The following PIK3CA variants were observed in gnomAD, a reference collection of about 807,000 sequenced individuals.
PIK3CA encodes the protein phosphatidylinositol-4,5-bisphosphate 3-kinase catalytic subunit alpha, also known as phosphatidylinositol 4,5-bisphosphate 3-kinase catalytic subunit alpha isoform.
PIK3CA carries 27 observed loss-of-function variants against 138.2 expected under a neutral mutation model. That is an observed-to-expected ratio of 0.20 (90% CI 0.14 to 0.27). The LOEUF (loss-of-function observed/expected upper bound fraction) is 0.27. Ranked by LOEUF, PIK3CA falls within the 10% of genes least tolerant of loss-of-function variation. The pLI is 1.00. For synonymous variants in PIK3CA, 358 were observed against 413.2 expected, an observed-to-expected ratio of 0.87 and a Z score of 1.62; for missense variants, 544 against 1,277.4, an observed-to-expected ratio of 0.43 and a Z score of 8.75.
chr3:179,159,687 CAT>C (rs750777977), intron 1 of PIK3CA, among the ~76,000 whole-genome samples: 17 of 152,148 alleles, frequency 1.1e-4, no homozygotes, highest in Non-Finnish European at 2.4e-4. Flanking sequence ...ATAATACAGT[CAT>C]GTGTAGCTTT....
chr3:179,189,000 T>C (rs1272303899), intron 1 of PIK3CA, among the ~76,000 whole-genome samples: 1 of 152,092 alleles, frequency 6.6e-6, no homozygotes, highest in Admixed American at 6.6e-5. Flanking sequence ...TCACTTGAGG[T>C]CAGGAGTTCA....
At chr3:179,224,659 TAAAGC>T (rs781550376) in intron 15 of PIK3CA, 36 bp from the exon 16 acceptor site, 3 of 1,357,106 alleles carry the variant, frequency 2.2e-6, no homozygotes, top group South Asian at 3.0e-5. Flanking sequence ...AAAATAATAA[TAAAGC>T]AAAGGTACCT....
At chr3:179,171,440 A>G (rs1403311561) in intron 1 of PIK3CA, among the ~76,000 whole-genome samples, 3 of 152,156 alleles carry the variant, frequency 2.0e-5, no homozygotes, top group Non-Finnish European at 4.4e-5. Flanking sequence ...AGGGAGTAAT[A>G]AAGATCAGAA....
chr3:179,180,569 A>G (rs562384302), intron 1 of PIK3CA, among the ~76,000 whole-genome samples: 2 of 152,202 alleles, frequency 1.3e-5, no homozygotes, highest in South Asian at 4.1e-4. Flanking sequence ...AAAAAAGGTG[A>G]TGAATTTGAG....
At position 179,209,476 on chromosome 3, in the gene PIK3CA, C is replaced by G. The variant is rs894477148; in HGVS notation, c.1146-119C>G. ...GACCTTATAAAGTGCCTTTTCCAAT[C>G]AATCTCTTTCCTGTTTTTCGTTTGG... On this transcript the variant is annotated intron_variant, in intron 6 of 20. Transcript: ENST00000263967. 5.1e-5 allele frequency: 28 copies of G among 548,544 alleles called. No individual in the cohort carries two copies. In the African/African-American group the frequency reaches 5.4e-4, roughly 11 times the overall value. 34.0% of individuals were successfully genotyped at this position (548,544 alleles called of 1,614,324 possible). A position where few individuals can be genotyped will look rare whatever the true frequency, so the allele number is the denominator to read the frequency against.
Position 179,238,859 on chromosome 3 carries a change from G to C in PIK3CA, c.*4495G>C, listed in dbSNP as rs1170380285. The C allele has an allele frequency of 2.7e-5, 6 of 220,470 alleles. No homozygotes were observed. Among genetic ancestry groups the C allele is most frequent in the African/African-American group, 1.1e-4 (5 of 44,578 alleles). The allele number at this position is 220,470 out of a possible 1,614,324, so 13.7% of individuals were successfully genotyped here. ...AATATCAAGGTTCTAAAATTCGGAA[G>C]AGTTTAGAATTTATTAGGAGTTTCC... is the stretch of plus-strand genomic sequence containing the variant. On this transcript the variant is annotated 3_prime_UTR_variant, in exon 21 of 21. Transcript: ENST00000263967.
chr3:179,180,388 C>T (rs918512467), intron 1 of PIK3CA, among the ~76,000 whole-genome samples: 24 of 152,174 alleles, frequency 1.6e-4, no homozygotes, highest in Middle Eastern at 3.4e-3. Flanking sequence ...CATTTATATA[C>T]TTGTATGAGT....
rs1724914807 is a variant in PIK3CA, at chr3:179,219,396, G to GA, written c.1746+126dup. On this transcript the variant is annotated intron_variant, in intron 11 of 20. Transcript: ENST00000263967. This position sits in a 1 kb window ranked among gnomAD's most constrained non-coding sequence, Gnocchi z 4.2. ...AATAGACTAATAGTAATATAGTGTAGAAAAAAACACCCTTAACATTATTTC... is the reference window on the plus strand; with the variant it reads ...AATAGACTAATAGTAATATAGTGTAGAAAAAAAACACCCTTAACATTATTTC... 3 of 734,174 alleles carry GA rather than the reference G, an allele frequency of 4.1e-6. No individual in the cohort carries two copies. The highest frequency in any genetic ancestry group is 4.5e-6 in the Non-Finnish European group (2 of 444,762). 45.5% of individuals were successfully genotyped at this position (734,174 alleles called of 1,614,324 possible).
At chr3:179,188,851 T>A (rs1162829687) in intron 1 of PIK3CA, among the ~76,000 whole-genome samples, 1 of 152,210 alleles carries the variant, frequency 6.6e-6, no homozygotes. Flanking sequence ...TAATGTTTAG[T>A]CACATTTTGA....
At chr3:179,196,915 AAG>A (rs1382200501) in intron 1 of PIK3CA, among the ~76,000 whole-genome samples, 2 of 152,192 alleles carry the variant, frequency 1.3e-5, no homozygotes, top group African/African-American at 2.4e-5. Context: ...AGACAGAATA[AAG>A]AGAGAATTAA....
intron 6 of PIK3CA, among the ~76,000 whole-genome samples, chr3:179,207,216 G>A: frequency 6.6e-6 from 1 of 152,110 alleles, no homozygotes; most frequent in Non-Finnish European, 1.5e-5. Flanking sequence ...TGCTAAATTA[G>A]ATGCTTTATG....
chr3:179,148,887 G>A (rs1458661565), intron 1 of PIK3CA, among the ~76,000 whole-genome samples: 1 of 152,132 alleles, frequency 6.6e-6, no homozygotes, highest in Non-Finnish European at 1.5e-5. Flanking sequence ...GGGACGGGGC[G>A]GCTGGAGGTT....
At position 179,235,723 on chromosome 3, in the gene PIK3CA, CTATT is replaced by C. The variant is rs533400678; in HGVS notation, c.*1363_*1366del. The C allele has an allele frequency of 1.4e-3, 294 of 207,286 alleles. 1 individual carries two copies. The highest frequency in any genetic ancestry group is 6.1e-3 in the African/African-American group (268 of 44,074). The allele number at this position is 207,286 out of a possible 1,614,324, so 12.8% of individuals were successfully genotyped here. ...ACCATGAACTTTTTACCTTTTTAAA[CTATT>C]TATCCATATCTCCAAAGTAGAACAT... On this transcript the variant is annotated 3_prime_UTR_variant, in exon 21 of 21. Transcript: ENST00000263967.
intron 1 of PIK3CA, among the ~76,000 whole-genome samples, chr3:179,148,881 C>T (rs972314712): frequency 2.0e-5 from 3 of 152,082 alleles, no homozygotes; most frequent in African/African-American, 2.4e-5. Context: ...GTTTTGGGGA[C>T]GGGGCGGCTG....
intron 1 of PIK3CA, among the ~76,000 whole-genome samples, chr3:179,167,482 C>T (rs1723449047): frequency 6.6e-6 from 1 of 151,992 alleles, no homozygotes; most frequent in African/African-American, 2.4e-5. Flanking sequence ...GTGTCTCATT[C>T]TTCCTTTCAA....
chr3:179,240,045 CT>C lies in PIK3CA; in HGVS notation c.*5682del. 6.5e-7 allele frequency: 1 copy of C among 1,547,154 alleles called. No homozygotes were observed. Among genetic ancestry groups the C allele is most frequent in the Admixed American group, 2.0e-5 (1 of 50,698 alleles). On this transcript the variant is annotated 3_prime_UTR_variant, in exon 21 of 21. Coordinates refer to ENST00000263967, the MANE Select transcript of PIK3CA (RefSeq NM_006218.4). Reference sequence around the variant, plus strand: ...TGTCAATGTCTGCTTTTCTTTAACTCTGCAGTCTGTAACATCACGCTGTTTA... The same window carrying C: ...TGTCAATGTCTGCTTTTCTTTAACTCGCAGTCTGTAACATCACGCTGTTTA...
At chr3:179,182,536 C>T (rs1723873766) in intron 1 of PIK3CA, among the ~76,000 whole-genome samples, 1 of 152,074 alleles carries the variant, frequency 6.6e-6, no homozygotes, top group Non-Finnish European at 1.5e-5. Context: ...CATGGTAGCA[C>T]ACACAGGTAG....
chr3:179,192,133 G>C (rs1264902492), intron 1 of PIK3CA, among the ~76,000 whole-genome samples: 1 of 152,154 alleles, frequency 6.6e-6, no homozygotes, highest in Non-Finnish European at 1.5e-5. Context: ...CCAGAATATT[G>C]TAGTAGATTT....
intron 1 of PIK3CA, among the ~76,000 whole-genome samples, chr3:179,167,581 T>C (rs556641719): frequency 6.6e-6 from 1 of 152,276 alleles, no homozygotes; most frequent in South Asian, 2.1e-4. Context: ...TCTATAACCA[T>C]ATTTAAATCC....
Sources: allele counts gnomAD v4.1 joint callset (sites outside exome capture counted in the v4.1 genomes callset), GRCh38; gene constraint gnomAD v4.1.1; non-coding constraint Gnocchi (gnomAD v3.1); transcripts MANE v1.5; gene names NCBI Gene and HGNC (gene_info 2026-07-23, HGNC 2026-07-21).